AGO1: variants seen among roughly 807,000 people sequenced by gnomAD.
The protein encoded by AGO1 is protein argonaute-1.
Under a neutral mutation model 109.2 loss-of-function variants are expected in AGO1, and 11 were observed. That is an observed-to-expected ratio of 0.10 (90% CI 0.06 to 0.17). The LOEUF (loss-of-function observed/expected upper bound fraction) is 0.17, where lower values mean the gene tolerates loss of function less well. AGO1 is among the 10% of genes least tolerant of loss of function. The probability of loss-of-function intolerance (pLI) is 1.00; values close to 1 mark genes in which losing one functional copy is unlikely to be tolerated. For synonymous variants in AGO1, 422 were observed against 418.6 expected, an observed-to-expected ratio of 1.01 and a Z score of -0.10; for missense variants, 574 against 1,140.3, an observed-to-expected ratio of 0.50 and a Z score of 7.15.
intron 1 of AGO1, among the ~76,000 whole-genome samples, chr1:35,872,571 T>A (rs1209117924): frequency 1.3e-5 from 2 of 151,962 alleles, no homozygotes; most frequent in East Asian, 3.9e-4. Flanking sequence ...ATTTTATTTC[T>A]ATTCTTTTTT....
rs1023122358 is a variant in AGO1, at chr1:35,927,516, G to A, written c.*7909G>A. 6.6e-6 allele frequency: 1 copy of A among 152,194 alleles called. No individual in the cohort carries two copies. Among genetic ancestry groups the A allele is most frequent in the African/African-American group, 2.4e-5 (1 of 41,448 alleles). 9.4% of individuals were successfully genotyped at this position (152,194 alleles called of 1,614,324 possible). ...TGGCAAAAGAGAGACAGATTTTTCT[G>A]TGTCCTTCTAAAGCAAGGAAGTCTT... On this transcript the variant is annotated 3_prime_UTR_variant, in exon 19 of 19. Coordinates refer to ENST00000373204, the MANE Select transcript of AGO1 (RefSeq NM_012199.5).
Position 35,893,706 on chromosome 1 carries a change from C to T in AGO1, c.545C>T (p.Pro182Leu), listed in dbSNP as rs1196584082. The change falls in exon 5 of 19, where the codon CCG (proline) becomes CTG (leucine). Residue 182 changes from proline to leucine, a missense_variant. By Grantham distance (98) the Pro-to-Leu change is moderately conservative (BLOSUM62 -3). Coordinates refer to ENST00000373204, the MANE Select transcript of AGO1 (RefSeq NM_012199.5). The surrounding 1 kb of genome is among the most constrained non-coding windows in gnomAD (Gnocchi z 5.6). Reference protein sequence around the residue: ...YTPVGRSFFSPPEGYYHPLGG... With the variant: ...YTPVGRSFFSLPEGYYHPLGG... ...CCTGTGGGCCGCTCCTTCTTCTCACCGCCTGAGGGCTACTACCACCCGCTG... is the reference window on the plus strand; with the variant it reads ...CCTGTGGGCCGCTCCTTCTTCTCACTGCCTGAGGGCTACTACCACCCGCTG... 2.5e-6 allele frequency: 4 copies of T among 1,613,800 alleles called. No homozygotes were observed. Among genetic ancestry groups the T allele is most frequent in the South Asian group, 1.1e-5 (1 of 91,058 alleles).
At position 35,919,366 on chromosome 1, in the gene AGO1, G is replaced by A. The variant is rs1242627201; in HGVS notation, c.2465+112G>A. ...GTGCTGTCCAATTTGGTGTCATTGG[G>A]CTCGTCTGCCCAATCCTGGGTTGGG... On this transcript the variant is annotated intron_variant, in intron 18 of 18. Coordinates refer to ENST00000373204, the MANE Select transcript of AGO1 (RefSeq NM_012199.5). This position sits in a 1 kb window ranked among gnomAD's most constrained non-coding sequence, Gnocchi z 6.6. 1 of 1,464,552 alleles carries A rather than the reference G, an allele frequency of 6.8e-7. No individual in the cohort carries two copies. The highest frequency in any genetic ancestry group is 1.4e-5 in the African/African-American group (1 of 71,396). The allele number at this position is 1,464,552 out of a possible 1,614,324, so 90.7% of individuals were successfully genotyped here.
chr1:35,922,331 AC>A lies in AGO1; in HGVS notation c.*2728del, dbSNP rs1358079609. The stretch of plus-strand genomic sequence containing the variant: ...AGATAATTTTTGAGACTTGAAAAAT[AC>A]CCCGACCTTGAGATTATTCCTGTTT... On this transcript the variant is annotated 3_prime_UTR_variant, in exon 19 of 19. Transcript: ENST00000373204. 1 of 152,406 alleles carries A rather than the reference AC, an allele frequency of 6.6e-6. No homozygotes were observed. The highest frequency in any genetic ancestry group is 1.5e-5 in the Non-Finnish European group (1 of 68,042). 9.4% of individuals were successfully genotyped at this position (152,406 alleles called of 1,614,324 possible). A position where few individuals can be genotyped will look rare whatever the true frequency, so the allele number is the denominator to read the frequency against.
intron 12 of AGO1, 53 bp from the exon 13 acceptor site, chr1:35,913,789 G>A: frequency 6.3e-7 from 1 of 1,575,942 alleles, no homozygotes; most frequent in Non-Finnish European, 8.7e-7. Flanking sequence ...CATCTAGTAG[G>A]CATTCAGTAA....
intron 11 of AGO1, among the ~76,000 whole-genome samples, chr1:35,904,560 T>C (rs1362614922): frequency 6.6e-6 from 1 of 152,206 alleles, no homozygotes; most frequent in Non-Finnish European, 1.5e-5. Context: ...TCCATTTCTT[T>C]TGGGATGATC....
Position 35,888,647 on chromosome 1 carries a change from A to T in AGO1, c.209+37A>T. 2 of 1,607,002 alleles carry T rather than the reference A, an allele frequency of 1.2e-6. No individual in the cohort carries two copies. Among genetic ancestry groups the T allele is most frequent in the Non-Finnish European group, 1.7e-6 (2 of 1,174,948 alleles). On this transcript the variant is annotated intron_variant, in intron 2 of 18. Transcript: ENST00000373204. The surrounding 1 kb of genome is among the most constrained non-coding windows in gnomAD (Gnocchi z 4.1). ...ACACCTAAGCCACCAAATCTGAAAG[A>T]CACCAACCTTGAAAGAGGGGCCAGA...
chr1:35,896,070 G>A (rs1645311919), intron 8 of AGO1, among the ~76,000 whole-genome samples: 1 of 152,078 alleles, frequency 6.6e-6, no homozygotes, highest in Non-Finnish European at 1.5e-5. Flanking sequence ...CATGATGTTG[G>A]CTCACTGCAA....
chr1:35,901,434 G>A lies in AGO1; in HGVS notation c.1021-40G>A. On this transcript the variant is annotated intron_variant, in intron 8 of 18. Coordinates refer to ENST00000373204, the MANE Select transcript of AGO1 (RefSeq NM_012199.5). This position sits in a 1 kb window ranked among gnomAD's most constrained non-coding sequence, Gnocchi z 4.8. Reference sequence around the variant, plus strand: ...TGGGGCTCTGGGTACAGGGTGGACTGTACTCAAGCCAGAGCTACCTGTCCT... The same window carrying A: ...TGGGGCTCTGGGTACAGGGTGGACTATACTCAAGCCAGAGCTACCTGTCCT... The A allele has an allele frequency of 4.3e-6, 7 of 1,613,196 alleles. No individual in the cohort carries two copies. Among genetic ancestry groups the A allele is most frequent in the Middle Eastern group, 1.7e-4 (1 of 6,024 alleles).
intron 8 of AGO1, among the ~76,000 whole-genome samples, chr1:35,900,584 G>A (rs550838242): frequency 2.0e-5 from 3 of 152,170 alleles, no homozygotes; most frequent in East Asian, 3.9e-4. Context: ...AAAATTAGCC[G>A]GGCATGGTAG....
chr1:35,917,171 A>G (rs187457060), intron 15 of AGO1, among the ~76,000 whole-genome samples: 18 of 152,224 alleles, frequency 1.2e-4, no homozygotes, highest in Admixed American at 3.9e-4. Flanking sequence ...TTATGGAACT[A>G]TATGTCTGCT....
At chr1:35,905,094 GC>G (rs2148717781) in intron 11 of AGO1, among the ~76,000 whole-genome samples, 1 of 152,278 alleles carries the variant, frequency 6.6e-6, no homozygotes, top group African/African-American at 2.4e-5. Flanking sequence ...ATACTTTGTG[GC>G]CCCCAGCATT....
In AGO1 at chr1:35,919,671, C is replaced by A; in HGVS notation, c.*64C>A. The A allele has an allele frequency of 6.7e-7, 1 of 1,495,954 alleles. No individual in the cohort carries two copies. Among genetic ancestry groups the A allele is most frequent in the Non-Finnish European group, 9.1e-7 (1 of 1,093,338 alleles). The allele number at this position is 1,495,954 out of a possible 1,614,324, so 92.7% of individuals were successfully genotyped here. A position where few individuals can be genotyped will look rare whatever the true frequency, so the allele number is the denominator to read the frequency against. On this transcript the variant is annotated 3_prime_UTR_variant, in exon 19 of 19. Coordinates refer to ENST00000373204, the MANE Select transcript of AGO1 (RefSeq NM_012199.5). This position sits in a 1 kb window ranked among gnomAD's most constrained non-coding sequence, Gnocchi z 6.6. ...TTCCAAGCCCCAGGAGCTGTGCCACCCAAATCCAGAGGAAGCAAGGAGGAG... is the reference window on the plus strand; with the variant it reads ...TTCCAAGCCCCAGGAGCTGTGCCACACAAATCCAGAGGAAGCAAGGAGGAG...
In AGO1 at chr1:35,902,323, A is replaced by C; in HGVS notation, c.1383A>C (p.Arg461=). The part of the protein sequence containing the change: ...IACFAPQKQC[R]EEVLKNFTDQ... ...GCTTCGCACCCCAAAAACAGTGTCGAGAAGAGGTGCTCAAGTAAGGAGGGT... is the reference window on the plus strand; with the variant it reads ...GCTTCGCACCCCAAAAACAGTGTCGCGAAGAGGTGCTCAAGTAAGGAGGGT... Residue 461 remains arginine, a synonymous_variant, in exon 11 of 19, where the codon CGA becomes CGC. Transcript: ENST00000373204. 6.2e-7 allele frequency: 1 copy of C among 1,614,078 alleles called. No individual in the cohort carries two copies. The highest frequency in any genetic ancestry group is 8.5e-7 in the Non-Finnish European group (1 of 1,180,010).
At chr1:35,898,713 A>G (rs1041440292) in intron 8 of AGO1, among the ~76,000 whole-genome samples, 1 of 152,222 alleles carries the variant, frequency 6.6e-6, no homozygotes, top group African/African-American at 2.4e-5. Flanking sequence ...TAGAAGAACA[A>G]TGTGGATTAT....
Position 35,929,271 on chromosome 1 carries a change from A to G in AGO1, c.*9664A>G, listed in dbSNP as rs1344318585. On this transcript the variant is annotated 3_prime_UTR_variant, in exon 19 of 19. Transcript: ENST00000373204. The stretch of plus-strand genomic sequence containing the variant: ...ATATTACAAATCATGAGCCTTTCAC[A>G]TGCATTGACTCTAAAGAGGTGGGTT... The G allele has an allele frequency of 6.6e-6, 1 of 152,230 alleles. No homozygotes were observed. The highest frequency in any genetic ancestry group is 2.4e-5 in the African/African-American group (1 of 41,456). The allele number at this position is 152,230 out of a possible 1,614,324, so 9.4% of individuals were successfully genotyped here.
At position 35,915,313 on chromosome 1, in the gene AGO1, G is replaced by A; in HGVS notation, c.1834-35G>A. The A allele has an allele frequency of 1.9e-6, 3 of 1,593,144 alleles. No individual in the cohort carries two copies. The South Asian group carries it at 3.3e-5, about 18-fold the overall frequency. ...CCATAGCCTGACAGTGAAGGTGAAG[G>A]TTCTAGGAGCTAATCCTTTCTCTCT... is the stretch of plus-strand genomic sequence containing the variant. On this transcript the variant is annotated intron_variant, in intron 14 of 18. Coordinates refer to ENST00000373204, the MANE Select transcript of AGO1 (RefSeq NM_012199.5).
At chr1:35,914,655 T>A (rs1357326467) in intron 14 of AGO1, among the ~76,000 whole-genome samples, 1 of 152,234 alleles carries the variant, frequency 6.6e-6, no homozygotes, top group Non-Finnish European at 1.5e-5. Flanking sequence ...CCCCGATCTG[T>A]ATAATAGATT....
At position 35,893,568 on chromosome 1, in the gene AGO1, A is replaced by C; in HGVS notation, c.513-106A>C. 8.1e-7 allele frequency: 1 copy of C among 1,231,872 alleles called. No individual in the cohort carries two copies. The highest frequency in any genetic ancestry group is 1.5e-5 in the South Asian group (1 of 65,580). The allele number at this position is 1,231,872 out of a possible 1,614,324, so 76.3% of individuals were successfully genotyped here. A position where few individuals can be genotyped will look rare whatever the true frequency, so the allele number is the denominator to read the frequency against. On this transcript the variant is annotated intron_variant, in intron 4 of 18. Coordinates refer to ENST00000373204, the MANE Select transcript of AGO1 (RefSeq NM_012199.5). This position sits in a 1 kb window ranked among gnomAD's most constrained non-coding sequence, Gnocchi z 5.6. ...TAGTAAAGCATCAGAGCTGGCATTA[A>C]AGCCCCGGTGTCCTGCCTTTCAGGC...
Sources: allele counts gnomAD v4.1 joint callset (sites outside exome capture counted in the v4.1 genomes callset), GRCh38; gene constraint gnomAD v4.1.1; non-coding constraint Gnocchi (gnomAD v3.1); transcripts MANE v1.5; gene names NCBI Gene and HGNC (gene_info 2026-07-23, HGNC 2026-07-21).